The following NCAPH variants were observed in gnomAD, a reference collection of about 807,000 sequenced individuals.
The protein encoded by NCAPH is condensin complex subunit 2.
NCAPH carries 38 observed loss-of-function variants against 85.5 expected under a neutral mutation model. That is an observed-to-expected ratio of 0.44 (90% confidence interval 0.34 to 0.58). The LOEUF is 0.58. Among genes scored for constraint, NCAPH ranks in the 20% least tolerant of loss-of-function variants. NCAPH has a pLI of 0.01. For missense variants in NCAPH, 789 were observed against 916.6 expected, an observed-to-expected ratio of 0.86 and a Z score of 1.80; for synonymous variants, 301 against 335.1, an observed-to-expected ratio of 0.90 and a Z score of 1.11.
intron 6 of NCAPH, among the ~76,000 whole-genome samples, chr2:96,347,248 T>G (rs1388031590): frequency 6.6e-6 from 1 of 150,712 alleles, no homozygotes; most frequent in African/African-American, 2.4e-5. Flanking sequence ...GCTGGCACCA[T>G]GTCTCAATTG....
chr2:96,364,504 T>G lies in NCAPH; in HGVS notation c.1611T>G (p.His537Gln). ...AGTTACTTAAGATGGCCCAGGGCCA[T>G]AGGGTAGAGACTGAGCATTATGAAG... ...GTRLLKMAQG[H>Q]RVETEHYEEI... Residue 537 changes from histidine (H) to glutamine (Q), a missense_variant, in exon 13 of 18, where the codon CAT (histidine) becomes CAG (glutamine). His to Gln is a conservative substitution (Grantham distance 24). Transcript: ENST00000240423. The G allele has an allele frequency of 1.2e-6, 2 of 1,611,512 alleles. No homozygotes were observed. Among genetic ancestry groups the G allele is most frequent in the Non-Finnish European group, 1.7e-6 (2 of 1,177,784 alleles).
intron 3 of NCAPH, 59 bp from the exon 4 acceptor site, chr2:96,342,697 A>G (rs1573065335): frequency 7.5e-7 from 1 of 1,332,990 alleles, no homozygotes; most frequent in South Asian, 1.2e-5. Context: ...TAAAAGCAGC[A>G]TTATTTACAT....
At chr2:96,353,844 C>T (rs1346425404) in intron 8 of NCAPH, among the ~76,000 whole-genome samples, 1 of 152,140 alleles carries the variant, frequency 6.6e-6, no homozygotes, top group Non-Finnish European at 1.5e-5. Flanking sequence ...GCATGGCCCC[C>T]TTTAGCCTAC....
chr2:96,335,946 GATAT>G, intron 1 of NCAPH, 98 bp downstream of exon 1: 1 of 1,227,692 alleles, frequency 8.1e-7, no homozygotes, highest in Non-Finnish European at 1.1e-6. Context: ...GGGGAGAGAG[GATAT>G]GCTCAGCTCG....
In NCAPH at chr2:96,377,062, TA is replaced by T. The variant is rs2064839959; in HGVS notation, c.*3717del. Among the ~76,000 whole-genome samples, 1 of 151,528 alleles carries T rather than the reference TA, an allele frequency of 6.6e-6. No homozygotes were observed. Among genetic ancestry groups the T allele is most frequent in the Non-Finnish European group, 1.5e-5 (1 of 67,920 alleles). On this transcript the variant is annotated 3_prime_UTR_variant, in exon 18 of 18. Coordinates refer to ENST00000240423, the MANE Select transcript of NCAPH (RefSeq NM_015341.5). ...CACCTACTATGTACCCACAACTATTTAAAAAATAATAAAATTTTAAAAAATT... is the reference window on the plus strand; with the variant it reads ...CACCTACTATGTACCCACAACTATTTAAAAATAATAAAATTTTAAAAAATT...
At chr2:96,356,237 C>G (rs1279778683) in intron 9 of NCAPH, among the ~76,000 whole-genome samples, 1 of 152,176 alleles carries the variant, frequency 6.6e-6, no homozygotes, top group Non-Finnish European at 1.5e-5. Flanking sequence ...TTTACCCATC[C>G]TTAAATCCCC....
intron 14 of NCAPH, among the ~76,000 whole-genome samples, chr2:96,366,604 C>T (rs957797870): frequency 1.3e-5 from 2 of 152,154 alleles, no homozygotes; most frequent in African/African-American, 2.4e-5. Context: ...CTGGGCTGGG[C>T]GTGGTGGCTC....
chr2:96,340,980 A>C (rs1259419919), intron 1 of NCAPH, among the ~76,000 whole-genome samples: 1 of 152,170 alleles, frequency 6.6e-6, no homozygotes, highest in Non-Finnish European at 1.5e-5. Context: ...TTTGGTGGAA[A>C]TATTTCCTGG....
At chr2:96,363,282 A>C (rs1361088427) in intron 12 of NCAPH, among the ~76,000 whole-genome samples, 1 of 152,202 alleles carries the variant, frequency 6.6e-6, no homozygotes, top group Non-Finnish European at 1.5e-5. Context: ...TATAAGCATA[A>C]CTTTTAAATT....
At chr2:96,342,563 G>T (rs531923802) in intron 3 of NCAPH, among the ~76,000 whole-genome samples, 193 bp from the exon 4 acceptor site, 2 of 152,202 alleles carry the variant, frequency 1.3e-5, no homozygotes, top group African/African-American at 4.8e-5. Flanking sequence ...ATTTTGTGCC[G>T]TCATTCCCTA....
In NCAPH at chr2:96,341,709, T is replaced by C. The variant is rs766768950; in HGVS notation, c.87T>C (p.Pro29=). 6.2e-7 allele frequency: 1 copy of C among 1,614,204 alleles called. No individual in the cohort carries two copies. The highest frequency in any genetic ancestry group is 1.7e-5 in the Admixed American group (1 of 60,020). ...TRGHPHSASS[P]SERVFPMPLP... is the part of the protein sequence containing the mutation. ...GACACCCCCACAGTGCCTCCTCTCC[T>C]TCAGAGCGTGTGTTCCCGATGCCCC... Residue 29 remains proline, a synonymous_variant, in exon 2 of 18, where the codon CCT becomes CCC. Coordinates refer to ENST00000240423, the MANE Select transcript of NCAPH (RefSeq NM_015341.5).
chr2:96,337,322 C>G (rs1261297065), intron 1 of NCAPH, among the ~76,000 whole-genome samples: 4 of 152,258 alleles, frequency 2.6e-5, no homozygotes, highest in Non-Finnish European at 5.9e-5. Context: ...CTGTAGCCTA[C>G]TGTGCTCACA....
At chr2:96,347,744 C>T (rs2064380805) in intron 6 of NCAPH, among the ~76,000 whole-genome samples, 1 of 152,098 alleles carries the variant, frequency 6.6e-6, no homozygotes, top group African/African-American at 2.4e-5. Flanking sequence ...AGATAAAGGG[C>T]AACAGTGAGA....
At chr2:96,354,488 T>C in intron 9 of NCAPH, 100 bp downstream of exon 9, 1 of 1,068,840 alleles carries the variant, frequency 9.4e-7, no homozygotes, top group Non-Finnish European at 1.2e-6. Context: ...CTTTCTTTTT[T>C]TTTCCCCCCC....
intron 17 of NCAPH, among the ~76,000 whole-genome samples, chr2:96,371,114 A>G (rs1301540725): frequency 6.6e-6 from 1 of 152,246 alleles, no homozygotes; most frequent in Non-Finnish European, 1.5e-5. Context: ...CTGACAAGAA[A>G]TCTACAAGTG....
chr2:96,343,076 G>A, intron 4 of NCAPH, 90 bp from the exon 5 acceptor site: 1 of 1,540,478 alleles, frequency 6.5e-7, no homozygotes, highest in South Asian at 1.2e-5. Context: ...CTTGGGGCAA[G>A]TAAATATTTT....
chr2:96,364,012 G>A (rs1294759603), intron 12 of NCAPH, among the ~76,000 whole-genome samples: 3 of 151,940 alleles, frequency 2.0e-5, no homozygotes, highest in Non-Finnish European at 4.4e-5. Context: ...GTTGCCCAAC[G>A]CTAGTCTCAA....
At chr2:96,338,634 A>C (rs918968386) in intron 1 of NCAPH, among the ~76,000 whole-genome samples, 54 of 152,280 alleles carry the variant, frequency 3.5e-4, no homozygotes, top group African/African-American at 1.0e-3. Flanking sequence ...GGGTAGAGTG[A>C]GAGCAGATGT....
chr2:96,368,289 G>T (rs902061724), intron 15 of NCAPH, among the ~76,000 whole-genome samples: 6 of 152,184 alleles, frequency 3.9e-5, no homozygotes, highest in Non-Finnish European at 7.3e-5. Flanking sequence ...TGTCTTAAGT[G>T]GAAAGTTTGA....
Sources: gnomAD v4.1 joint callset for allele counts (sites outside exome capture counted in the v4.1 genomes callset) on GRCh38, gnomAD v4.1.1 for gene constraint, MANE v1.5 for transcripts, NCBI Gene and HGNC (gene_info 2026-07-23, HGNC 2026-07-21) for gene names.